The following DAW1 variants were observed in gnomAD, a reference collection of about 807,000 sequenced individuals.
DAW1 encodes the protein dynein assembly factor with WD repeats 1, also known as dynein assembly factor with WD repeat domains 1.
In DAW1, 47 loss-of-function variants were observed where a neutral mutation model predicts 56.5. The observed-to-expected ratio is 0.83, with a 90% CI of 0.66 to 1.06. DAW1 has a LOEUF of 1.06. DAW1 is among the 50% of genes least tolerant of loss of function. The pLI is 0.00. For synonymous variants in DAW1, 190 were observed against 179.0 expected, an observed-to-expected ratio of 1.06 and a Z score of -0.49; for missense variants, 505 against 499.3, an observed-to-expected ratio of 1.01 and a Z score of -0.11.
chr2:227,876,160 C>T (rs1203142731), intron 1 of DAW1, among the ~76,000 whole-genome samples: 4 of 152,064 alleles, frequency 2.6e-5, no homozygotes, highest in African/African-American at 7.2e-5. Flanking sequence ...GGACTACAGG[C>T]GCCCGCCAGT....
At chr2:227,904,503 A>G (rs1399169040) in intron 7 of DAW1, among the ~76,000 whole-genome samples, 1 of 152,208 alleles carries the variant, frequency 6.6e-6, no homozygotes, top group East Asian at 1.9e-4. Context: ...AAAAGTAATT[A>G]GTTTTATTTC....
At chr2:227,891,216 T>A (rs758490314) in intron 3 of DAW1, 39 bp from the exon 4 acceptor site, 1 of 1,571,810 alleles carries the variant, frequency 6.4e-7, no homozygotes, top group Non-Finnish European at 8.7e-7. Context: ...AAATTTAATT[T>A]GGTTTGAGTC....
intron 2 of DAW1, among the ~76,000 whole-genome samples, chr2:227,886,831 G>C (rs1342480845): frequency 1.3e-5 from 2 of 152,180 alleles, no homozygotes; most frequent in Non-Finnish European, 2.9e-5. Flanking sequence ...TCAAGAGAGA[G>C]TCAGACTAGT....
At chr2:227,887,215 C>G (rs1691151694) in intron 2 of DAW1, among the ~76,000 whole-genome samples, 1 of 152,172 alleles carries the variant, frequency 6.6e-6, no homozygotes, top group South Asian at 2.1e-4. Flanking sequence ...AAAGAATGAA[C>G]AGTGGCACAG....
chr2:227,889,050 A>C (rs1310818156), intron 2 of DAW1, among the ~76,000 whole-genome samples: 1 of 152,214 alleles, frequency 6.6e-6, no homozygotes, highest in African/African-American at 2.4e-5. Context: ...ATTATGATAA[A>C]AGCATTACAT....
chr2:227,889,789 C>T (rs1691216462), intron 2 of DAW1, 67 bp from the exon 3 acceptor site: 2 of 1,308,372 alleles, frequency 1.5e-6, no homozygotes, highest in South Asian at 1.7e-5. Context: ...ATCAATTCTT[C>T]ATGTAATATA....
chr2:227,908,514 A>G (rs970953988), intron 10 of DAW1, among the ~76,000 whole-genome samples: 4 of 152,220 alleles, frequency 2.6e-5, no homozygotes, highest in Admixed American at 6.5e-5. Context: ...TCCCATGACA[A>G]CCATATATGA....
chr2:227,916,639 A>T (rs1365743833), intron 10 of DAW1, among the ~76,000 whole-genome samples: 2 of 152,082 alleles, frequency 1.3e-5, no homozygotes, highest in Non-Finnish European at 2.9e-5. Flanking sequence ...CATATCCGTG[A>T]TGGCCATGTA....
rs550513381 is a variant in DAW1, at chr2:227,875,111, A to G, written c.40+3382A>G. Among the ~76,000 whole-genome samples, 3 of 152,222 alleles carry G rather than the reference A, an allele frequency of 2.0e-5. No homozygotes were observed. In the East Asian group the frequency reaches 5.8e-4, roughly 29 times the overall value. The stretch of plus-strand genomic sequence containing the variant: ...CTCCCATGGTCTTCCCCATCTCAGC[A>G]AATTGCAGCTCCATTTCTCCACTTA... On this transcript the variant is annotated intron_variant, in intron 1 of 12. Coordinates refer to ENST00000309931, the MANE Select transcript of DAW1 (RefSeq NM_178821.3).
At position 227,903,099 on chromosome 2, in the gene DAW1, A is replaced by G. The variant is rs1478350799; in HGVS notation, c.638A>G (p.Tyr213Cys). ...LWDIQNGEEV[Y>C]TLRGHSAEII... is the part of the protein sequence containing the mutation. ...GACATTCAGAATGGCGAGGAAGTTTACACCTTAAGAGTATGTCAATAATGT... is the reference window on the plus strand; with the variant it reads ...GACATTCAGAATGGCGAGGAAGTTTGCACCTTAAGAGTATGTCAATAATGT... Residue 213 changes from tyrosine to cysteine, a missense_variant, in exon 7 of 13, where the codon TAC becomes TGC. Physicochemically the swap from Tyr to Cys is radical, Grantham distance 194. Transcript: ENST00000309931. 2 of 1,614,108 alleles carry G rather than the reference A, an allele frequency of 1.2e-6. No individual in the cohort carries two copies. Among genetic ancestry groups the G allele is most frequent in the East Asian group, 2.2e-5 (1 of 44,886 alleles).
At chr2:227,911,686 T>C (rs1306994283) in intron 10 of DAW1, among the ~76,000 whole-genome samples, 4 of 152,144 alleles carry the variant, frequency 2.6e-5, no homozygotes, top group African/African-American at 9.7e-5. Context: ...TGTAAGAACA[T>C]GTTTTCATCC....
chr2:227,908,425 A>G (rs1304381423), intron 10 of DAW1, among the ~76,000 whole-genome samples: 1 of 152,188 alleles, frequency 6.6e-6, no homozygotes, highest in East Asian at 1.9e-4. Flanking sequence ...TTATTATCTC[A>G]GTGACGACCA....
At position 227,906,473 on chromosome 2, in the gene DAW1, A is replaced by G. The variant is rs897123675; in HGVS notation, c.858+135A>G. ...ATTAATTTACAAAAAATAGTTGGTAATTTTTAAAATTTCTAGTTTTGGATT... is the reference window on the plus strand; with the variant it reads ...ATTAATTTACAAAAAATAGTTGGTAGTTTTTAAAATTTCTAGTTTTGGATT... On this transcript the variant is annotated intron_variant, in intron 9 of 12. Coordinates refer to ENST00000309931, the MANE Select transcript of DAW1 (RefSeq NM_178821.3). 8.8e-6 allele frequency: 6 copies of G among 685,250 alleles called. No individual in the cohort carries two copies. In the African/African-American group the frequency reaches 9.2e-5, roughly 11 times the overall value. The allele number at this position is 685,250 out of a possible 1,614,324, so 42.4% of individuals were successfully genotyped here.
intron 10 of DAW1, among the ~76,000 whole-genome samples, chr2:227,911,497 G>T (rs879588096): frequency 1.3e-4 from 19 of 151,090 alleles, no homozygotes; most frequent in Admixed American, 1.3e-3. Flanking sequence ...TGCTGCTTCT[G>T]CCTGACAACT....
chr2:227,918,693 G>T (rs1372272358), intron 10 of DAW1, 87 bp from the exon 11 acceptor site: 7 of 1,401,692 alleles, frequency 5.0e-6, no homozygotes, highest in Non-Finnish European at 6.0e-6. Flanking sequence ...TGTGTCAGGG[G>T]GATATATATT....
intron 6 of DAW1, 33 bp downstream of exon 6, chr2:227,898,314 T>C: frequency 1.8e-6 from 2 of 1,084,102 alleles, no homozygotes; most frequent in Non-Finnish European, 2.4e-6. Flanking sequence ...TATTATTTTA[T>C]GTATATATAT....
chr2:227,887,338 G>C (rs765306251), intron 2 of DAW1, among the ~76,000 whole-genome samples: 92 of 152,202 alleles, frequency 6.0e-4, no homozygotes, highest in Non-Finnish European at 8.2e-4. Context: ...GTTTGATGAT[G>C]CTAGCATGCA....
chr2:227,908,648 T>C (rs1178703931), intron 10 of DAW1, among the ~76,000 whole-genome samples: 1 of 152,242 alleles, frequency 6.6e-6, no homozygotes, highest in African/African-American at 2.4e-5. Context: ...AAACATGTGT[T>C]AACACTATAC....
chr2:227,909,016 T>G (rs78741676), intron 10 of DAW1, among the ~76,000 whole-genome samples: 1 of 152,216 alleles, frequency 6.6e-6, no homozygotes, highest in East Asian at 1.9e-4. Context: ...TATCTGACTA[T>G]GTTTAATTTA....
Sources: gnomAD v4.1 joint callset for allele counts (sites outside exome capture counted in the v4.1 genomes callset) on GRCh38, gnomAD v4.1.1 for gene constraint, MANE v1.5 for transcripts, NCBI Gene and HGNC (gene_info 2026-07-23, HGNC 2026-07-21) for gene names.